GATB: variants seen among roughly 807,000 people sequenced by gnomAD.
GATB encodes the protein glutamyl-tRNA(Gln) amidotransferase subunit B, mitochondrial.
Under a neutral mutation model 62.3 loss-of-function variants are expected in GATB, and 39 were observed. That is an observed-to-expected ratio of 0.63 (90% CI 0.48 to 0.82). GATB has a LOEUF of 0.82. GATB is among the 40% of genes least tolerant of loss of function. The pLI is 0.00. For synonymous variants in GATB, 276 were observed against 258.9 expected, an observed-to-expected ratio of 1.07 and a Z score of -0.63; for missense variants, 670 against 684.0, an observed-to-expected ratio of 0.98 and a Z score of 0.23.
At chr4:151,688,541 C>T (rs1481301091) in intron 10 of GATB, 89 bp downstream of exon 10, 6 of 1,313,952 alleles carry the variant, frequency 4.6e-6, no homozygotes, top group East Asian at 2.3e-5. Context: ...GGGAGAACAG[C>T]AGGAGCAAAA....
In GATB at chr4:151,670,788, A is replaced by G. The variant is rs1737838658; in HGVS notation, c.*386T>C. ...CCATCACCTACAATGGCTGGCCCTT[A>G]GGAGTTGCTCAAAAATATTTGTTGA... On this transcript the variant is annotated 3_prime_UTR_variant, in exon 13 of 13. Transcript: ENST00000263985. The G allele has an allele frequency of 5.7e-6, 1 of 176,366 alleles. No homozygotes were observed. Among genetic ancestry groups the G allele is most frequent in the Admixed American group, 5.6e-5 (1 of 17,730 alleles). The allele number at this position is 176,366 out of a possible 1,614,324, so 10.9% of individuals were successfully genotyped here.
intron 12 of GATB, among the ~76,000 whole-genome samples, chr4:151,671,920 G>C (rs1737875730): frequency 6.6e-6 from 1 of 152,168 alleles, no homozygotes; most frequent in Admixed American, 6.5e-5. Flanking sequence ...GCGTCTCCAA[G>C]GGCAATGACA....
chr4:151,759,042 A>T (rs529342336), intron 1 of GATB, 120 bp from the exon 2 acceptor site: 17 of 592,990 alleles, frequency 2.9e-5, no homozygotes, highest in Non-Finnish European at 4.4e-5. Context: ...ACAATGTTAT[A>T]TCCTCACATT....
In GATB at chr4:151,760,978, G is replaced by A; in HGVS notation, c.5C>T (p.Ala2Val). The A allele has an allele frequency of 6.2e-7, 1 of 1,610,198 alleles. No individual in the cohort carries two copies. Among genetic ancestry groups the A allele is most frequent in the Non-Finnish European group, 8.5e-7 (1 of 1,178,672 alleles). M[A>V]APMLRWGCRG... ...GCAGCCCCAGCGCAGCATGGGCGCCGCCATTGTAACTCCAGGGTCTTGGTC... is the reference window on the plus strand; with the variant it reads ...GCAGCCCCAGCGCAGCATGGGCGCCACCATTGTAACTCCAGGGTCTTGGTC... The change falls in exon 1 of 13, where the codon GCG (alanine) becomes GTG (valine). Residue 2 changes from alanine (A) to valine (V), a missense_variant. Ala to Val is a moderately conservative substitution (Grantham distance 64). Coordinates refer to ENST00000263985, the MANE Select transcript of GATB (RefSeq NM_004564.3).
intron 2 of GATB, among the ~76,000 whole-genome samples, chr4:151,738,513 T>C (rs1739423936): frequency 6.6e-6 from 1 of 152,246 alleles, no homozygotes; most frequent in Non-Finnish European, 1.5e-5. Context: ...AATAAACTTC[T>C]TTCTTTTGTA....
intron 2 of GATB, among the ~76,000 whole-genome samples, chr4:151,746,839 T>C (rs1352428448): frequency 1.3e-5 from 2 of 152,136 alleles, no homozygotes; most frequent in African/African-American, 4.8e-5. Flanking sequence ...AAATGAAGTA[T>C]TCTATTTATA....
intron 9 of GATB, among the ~76,000 whole-genome samples, chr4:151,699,795 C>A (rs1419084148): frequency 6.6e-6 from 1 of 152,040 alleles, no homozygotes; most frequent in East Asian, 1.9e-4. Context: ...CACACACACA[C>A]AAATTAATGT....
chr4:151,734,465 C>T (rs923911277), intron 2 of GATB, among the ~76,000 whole-genome samples: 4 of 151,732 alleles, frequency 2.6e-5, no homozygotes, highest in Non-Finnish European at 5.9e-5. Context: ...CAAATAGAAA[C>T]ACATCCCATG....
At chr4:151,721,981 T>C (rs1578923032) in intron 2 of GATB, 1 of 565,664 alleles carries the variant, frequency 1.8e-6, no homozygotes, top group East Asian at 2.9e-5. Context: ...TAATCTTTTT[T>C]TGATGATTTA....
At chr4:151,680,165 GTAATTA>G (rs1233288409) in intron 10 of GATB, among the ~76,000 whole-genome samples, 1 of 151,878 alleles carries the variant, frequency 6.6e-6, no homozygotes, top group East Asian at 1.9e-4. Context: ...ACTGCTCAGT[GTAATTA>G]GTCAAGAAAA....
intron 2 of GATB, among the ~76,000 whole-genome samples, chr4:151,754,315 C>T (rs573662018): frequency 6.6e-6 from 1 of 152,302 alleles, no homozygotes; most frequent in East Asian, 1.9e-4. Flanking sequence ...TTTGTACATC[C>T]TATTCACTTT....
chr4:151,685,018 C>T (rs796825678), intron 10 of GATB, among the ~76,000 whole-genome samples: 32 of 152,344 alleles, frequency 2.1e-4, no homozygotes, highest in African/African-American at 7.5e-4. Flanking sequence ...AGGCAAGTCA[C>T]CTTATCTCCT....
intron 4 of GATB, among the ~76,000 whole-genome samples, chr4:151,716,604 A>G (rs962617585): frequency 6.6e-6 from 1 of 152,122 alleles, no homozygotes; most frequent in Non-Finnish European, 1.5e-5. Context: ...TCTTTTAATG[A>G]CTGCTTAAAA....
intron 10 of GATB, among the ~76,000 whole-genome samples, chr4:151,682,817 G>A (rs1180817859): frequency 6.6e-6 from 1 of 152,118 alleles, no homozygotes; most frequent in East Asian, 1.9e-4. Context: ...GGGCCTCCAG[G>A]TGGTACCTGC....
intron 2 of GATB, among the ~76,000 whole-genome samples, chr4:151,751,776 A>T (rs1255355977): frequency 1.3e-5 from 2 of 152,036 alleles, no homozygotes; most frequent in African/African-American, 4.8e-5. Context: ...CATTGTTTTC[A>T]TGTGCTTCAT....
At chr4:151,736,542 A>C (rs1206587230) in intron 2 of GATB, among the ~76,000 whole-genome samples, 2 of 152,216 alleles carry the variant, frequency 1.3e-5, no homozygotes, top group African/African-American at 4.8e-5. Context: ...TTGTGAATAC[A>C]TGCCATCCTA....
At chr4:151,688,423 T>C (rs540914883) in intron 10 of GATB, among the ~76,000 whole-genome samples, 1 of 152,302 alleles carries the variant, frequency 6.6e-6, no homozygotes, top group East Asian at 1.9e-4. Flanking sequence ...GAGGACACAG[T>C]GCACAGTCAC....
chr4:151,749,553 A>T (rs1292284620), intron 2 of GATB, among the ~76,000 whole-genome samples: 1 of 152,104 alleles, frequency 6.6e-6, no homozygotes, highest in Non-Finnish European at 1.5e-5. Context: ...GATGTACCTA[A>T]TGTAAATACA....
chr4:151,688,769 A>C lies in GATB; in HGVS notation c.1198-6T>G. ...TCCAGTAGGCCGACTTCGTTCTGTT[A>C]AAAAAAAAAAAAGAAAATTACATAA... On this transcript the variant is annotated splice_polypyrimidine_tract_variant and splice_region_variant and intron_variant, in intron 9 of 12. Transcript: ENST00000263985. 1 of 57,960 alleles carries C rather than the reference A, an allele frequency of 1.7e-5. No individual in the cohort carries two copies. Among genetic ancestry groups the C allele is most frequent in the Non-Finnish European group, 2.4e-5 (1 of 41,852 alleles). 3.6% of individuals were successfully genotyped at this position (57,960 alleles called of 1,614,324 possible). A position where few individuals can be genotyped will look rare whatever the true frequency, so the allele number is the denominator to read the frequency against.
Sources: allele counts gnomAD v4.1 joint callset (sites outside exome capture counted in the v4.1 genomes callset), GRCh38; gene constraint gnomAD v4.1.1; transcripts MANE v1.5; gene names NCBI Gene and HGNC (gene_info 2026-07-23, HGNC 2026-07-21).